The following GALNT12 variants were observed in gnomAD, a reference collection of about 807,000 sequenced individuals.
GALNT12 encodes the protein polypeptide N-acetylgalactosaminyltransferase 12.
In GALNT12, 45 loss-of-function variants were observed where a neutral mutation model predicts 55.5. The ratio of observed to expected loss-of-function variants is 0.81; its 90% confidence interval spans 0.64 to 1.04. GALNT12 has a LOEUF of 1.04. Ranked by LOEUF, GALNT12 falls within the 50% of genes least tolerant of loss-of-function variation. The pLI is 0.00. For missense variants in GALNT12, 709 were observed against 754.8 expected (o/e 0.94, Z 0.71); for synonymous variants, 304 against 312.2 (o/e 0.97, Z 0.28).
At chr9:98,823,043 A>G (rs530164996) in intron 1 of GALNT12, among the ~76,000 whole-genome samples, 107 of 152,172 alleles carry the variant, frequency 7.0e-4, no homozygotes, top group Non-Finnish European at 1.3e-3. Context: ...GCTTAAAACA[A>G]TATCCCACAG....
chr9:98,848,290 G>C (rs974096997), intron 9 of GALNT12, among the ~76,000 whole-genome samples: 2 of 152,190 alleles, frequency 1.3e-5, no homozygotes, highest in Non-Finnish European at 1.5e-5. Flanking sequence ...CCATGATTAA[G>C]TTCGTTGCAT....
intron 8 of GALNT12, 63 bp downstream of exon 8, chr9:98,844,272 A>AT: frequency 9.1e-7 from 1 of 1,101,572 alleles, no homozygotes; most frequent in Non-Finnish European, 1.4e-6. Flanking sequence ...AAATAGTTGA[A>AT]TTTTTTTCTT....
At chr9:98,840,236 C>T (rs2118471557) in intron 7 of GALNT12, 103 bp downstream of exon 7, 1 of 1,414,666 alleles carries the variant, frequency 7.1e-7, no homozygotes, top group Non-Finnish European at 9.9e-7. Flanking sequence ...GGAGCACTGG[C>T]TTCCTCCACT....
At chr9:98,827,137 G>C (rs1835876582) in intron 3 of GALNT12, among the ~76,000 whole-genome samples, 196 bp downstream of exon 3, 1 of 152,170 alleles carries the variant, frequency 6.6e-6, no homozygotes, top group African/African-American at 2.4e-5. Context: ...CAAGTGCCTG[G>C]GAGTGCCAGC....
chr9:98,816,615 A>G (rs573293664), intron 1 of GALNT12, among the ~76,000 whole-genome samples: 3 of 151,812 alleles, frequency 2.0e-5, no homozygotes, highest in African/African-American at 7.2e-5. Context: ...GGTTTCACAG[A>G]AACACTTTTG....
chr9:98,829,663 T>C (rs1261395797), intron 3 of GALNT12, among the ~76,000 whole-genome samples: 2 of 152,172 alleles, frequency 1.3e-5, no homozygotes, highest in African/African-American at 4.8e-5. Context: ...CTGCTCTCTG[T>C]CTCCATGAGT....
chr9:98,834,719 C>G (rs557342131), intron 4 of GALNT12, among the ~76,000 whole-genome samples: 1 of 152,340 alleles, frequency 6.6e-6, no homozygotes, highest in Admixed American at 6.5e-5. Flanking sequence ...CTGTGAGTGC[C>G]TGCCTTGTGA....
At chr9:98,841,216 A>G (rs140583464) in intron 7 of GALNT12, among the ~76,000 whole-genome samples, 16 of 151,934 alleles carry the variant, frequency 1.1e-4, no homozygotes, top group African/African-American at 3.1e-4. Flanking sequence ...TGCAATTGCT[A>G]TTTTTTTCTT....
intron 8 of GALNT12, among the ~76,000 whole-genome samples, chr9:98,845,103 ACT>A (rs1836381656): frequency 6.6e-6 from 1 of 152,102 alleles, no homozygotes; most frequent in Non-Finnish European, 1.5e-5. Flanking sequence ...GGTTTTCAAC[ACT>A]GTTTAGAACA....
chr9:98,814,907 C>T (rs1306211941), intron 1 of GALNT12, among the ~76,000 whole-genome samples: 1 of 152,138 alleles, frequency 6.6e-6, no homozygotes, highest in Admixed American at 6.5e-5. Context: ...AGGTAAAGTA[C>T]AAGGCGTGCT....
rs1836500237 is a variant in GALNT12, at chr9:98,849,440, A to C, written c.*348A>C. 1.1e-5 allele frequency: 6 copies of C among 530,246 alleles called. No individual in the cohort carries two copies. Among genetic ancestry groups the C allele is most frequent in the Admixed American group, 7.3e-5 (2 of 27,330 alleles). The allele number at this position is 530,246 out of a possible 1,614,324, so 32.8% of individuals were successfully genotyped here. On this transcript the variant is annotated 3_prime_UTR_variant, in exon 10 of 10. Coordinates refer to ENST00000375011, the MANE Select transcript of GALNT12 (RefSeq NM_024642.5). ...ACTCTCATTAGCAAAAAAGATAAAG[A>C]TTTTATTTTGGTATTTACAAGAATT... is the stretch of plus-strand genomic sequence containing the variant.
chr9:98,826,346 C>T (rs1238470218), intron 2 of GALNT12, among the ~76,000 whole-genome samples: 1 of 152,172 alleles, frequency 6.6e-6, no homozygotes. Context: ...TTTCTATTAA[C>T]ATAACTACTG....
intron 2 of GALNT12, among the ~76,000 whole-genome samples, chr9:98,825,905 G>C (rs1041796364): frequency 6.6e-6 from 1 of 151,880 alleles, no homozygotes; most frequent in African/African-American, 2.4e-5. Context: ...AGCCCAAGAA[G>C]TTGAGGCTGC....
At chr9:98,833,220 T>A (rs1273092616) in intron 4 of GALNT12, among the ~76,000 whole-genome samples, 1 of 151,886 alleles carries the variant, frequency 6.6e-6, no homozygotes, top group Non-Finnish European at 1.5e-5. Context: ...GATGTGGGAG[T>A]TGGGCAGGAG....
At chr9:98,810,321 C>A (rs1348769264) in intron 1 of GALNT12, among the ~76,000 whole-genome samples, 2 of 152,096 alleles carry the variant, frequency 1.3e-5, no homozygotes, top group Non-Finnish European at 2.9e-5. Context: ...AAAAGCCACA[C>A]CCCCAGGTCA....
chr9:98,835,197 T>C, intron 4 of GALNT12, 52 bp from the exon 5 acceptor site: 1 of 1,230,722 alleles, frequency 8.1e-7, no homozygotes, highest in South Asian at 1.2e-5. Flanking sequence ...GTTGGATAAC[T>C]GTGATGGTTT....
At chr9:98,828,598 C>T (rs936733338) in intron 3 of GALNT12, among the ~76,000 whole-genome samples, 2 of 152,202 alleles carry the variant, frequency 1.3e-5, no homozygotes, top group Non-Finnish European at 2.9e-5. Flanking sequence ...TGCTGCATGC[C>T]TGTGGAAGAG....
intron 3 of GALNT12, among the ~76,000 whole-genome samples, chr9:98,831,368 A>G (rs1056131130): frequency 6.6e-6 from 1 of 152,228 alleles, no homozygotes; most frequent in Non-Finnish European, 1.5e-5. Flanking sequence ...TAGAATTTAT[A>G]TTCTAATTCC....
chr9:98,824,339 A>G (rs1835813766), intron 2 of GALNT12, among the ~76,000 whole-genome samples: 1 of 152,030 alleles, frequency 6.6e-6, no homozygotes, highest in African/African-American at 2.4e-5. Flanking sequence ...CTTGGTCCTC[A>G]TGGACCAGGC....
Sources: gnomAD v4.1 joint callset for allele counts (sites outside exome capture counted in the v4.1 genomes callset) on GRCh38, gnomAD v4.1.1 for gene constraint, MANE v1.5 for transcripts, NCBI Gene and HGNC (gene_info 2026-07-23, HGNC 2026-07-21) for gene names.